Variants in ITGAV observed in about 807,000 individuals in gnomAD.
ITGAV encodes the protein integrin alpha-V.
ITGAV carries 76 observed loss-of-function variants against 143.8 expected under a neutral mutation model. That is an observed-to-expected ratio of 0.53 (90% confidence interval 0.44 to 0.64). The LOEUF (loss-of-function observed/expected upper bound fraction) is 0.64. ITGAV is among the 30% of genes least tolerant of loss of function. ITGAV has a pLI of 0.00. For missense variants in ITGAV, 1,193 were observed against 1,274.7 expected, an observed-to-expected ratio of 0.94 and a Z score of 0.98; for synonymous variants, 453 against 446.7, an observed-to-expected ratio of 1.01 and a Z score of -0.18.
chr2:186,660,749 G>A (rs568013229), intron 18 of ITGAV, among the ~76,000 whole-genome samples: 1 of 152,104 alleles, frequency 6.6e-6, no homozygotes, highest in South Asian at 2.1e-4. Context: ...CCACAGAATG[G>A]GTGGCTTAAA....
chr2:186,628,988 T>C (rs1334968368), intron 4 of ITGAV, among the ~76,000 whole-genome samples: 3 of 152,060 alleles, frequency 2.0e-5, no homozygotes, highest in South Asian at 2.1e-4. Flanking sequence ...TATTGAGTAA[T>C]AATAGTATCT....
intron 10 of ITGAV, among the ~76,000 whole-genome samples, 166 bp downstream of exon 10, chr2:186,638,631 CGTGTGTGTGTGTGTGTGTGT>C (rs34535817): frequency 1.4e-5 from 2 of 144,692 alleles, no homozygotes; most frequent in Non-Finnish European, 3.0e-5. Context: ...CTCTTTTGAG[CGTGTGTGTGTGTGTGTGTGT>C]GTGTGTGTGT....
At chr2:186,591,366 C>T (rs1477776883) in intron 1 of ITGAV, among the ~76,000 whole-genome samples, 2 of 152,130 alleles carry the variant, frequency 1.3e-5, no homozygotes, top group African/African-American at 4.8e-5. Context: ...TTACTGAATG[C>T]TGACATCATT....
intron 2 of ITGAV, among the ~76,000 whole-genome samples, chr2:186,615,247 A>G (rs1687319824): frequency 6.6e-6 from 1 of 152,120 alleles, no homozygotes; most frequent in African/African-American, 2.4e-5. Flanking sequence ...GCTATTATGA[A>G]TAATGCTACT....
Position 186,654,653 on chromosome 2 carries a change from T to G in ITGAV, c.1509T>G (p.Phe503Leu). ...LPGTALKVSC[F>L]NVRFCLKADG... ...TATGTTTTTTATTTTTCCACAGTTT[T>G]AATGTTAGGTTCTGCTTAAAGGCAG... Residue 503 changes from phenylalanine (F) to leucine (L), a missense_variant, in exon 16 of 30, where the codon TTT (phenylalanine) becomes TTG (leucine). Transcript: ENST00000261023. 6.6e-7 allele frequency: 1 copy of G among 1,512,614 alleles called. No homozygotes were observed. Among genetic ancestry groups the G allele is most frequent in the African/African-American group, 1.4e-5 (1 of 72,386 alleles). The allele number at this position is 1,512,614 out of a possible 1,614,324, so 93.7% of individuals were successfully genotyped here. A position where few individuals can be genotyped will look rare whatever the true frequency, so the allele number is the denominator to read the frequency against.
At position 186,648,958 on chromosome 2, in the gene ITGAV, ATATATATACATTTG is replaced by A. The variant is rs1247711633; in HGVS notation, c.1352-873_1352-860del. Among the ~76,000 whole-genome samples the A allele has an allele frequency of 1.2e-4, 17 of 147,404 alleles. No homozygotes were observed. In the South Asian group the frequency reaches 1.5e-3, roughly 13 times the overall value. On this transcript the variant is annotated intron_variant, in intron 13 of 29. Coordinates refer to ENST00000261023, the MANE Select transcript of ITGAV (RefSeq NM_002210.5). ...TGTATATATATACATTTGTGTGTAT[ATATATATACATTTG>A]TATATATATACATTTGTGTGTATAT...
At chr2:186,617,965 A>G (rs1194461798) in intron 2 of ITGAV, among the ~76,000 whole-genome samples, 1 of 152,148 alleles carries the variant, frequency 6.6e-6, no homozygotes, top group African/African-American at 2.4e-5. Flanking sequence ...AGGAGGTCCA[A>G]CATCATCCTA....
rs1686584975 is a variant in ITGAV at position 186,590,512 on chromosome 2, C to T, written c.174C>T (p.Pro58=). The T allele has an allele frequency of 6.2e-7, 1 of 1,610,648 alleles. No homozygotes were observed. Among genetic ancestry groups the T allele is most frequent in the South Asian group, 1.1e-5 (1 of 90,768 alleles). ...GCTTCGCCGTGGATTTCTTCGTGCC[C>T]AGCGCGTCTTCGTAAGTGGCCGCAC... ...YFGFAVDFFV[P]SASSRMFLLV... Residue 58 remains proline, a synonymous_variant, in exon 1 of 30, where the codon CCC becomes CCT. Transcript: ENST00000261023.
At chr2:186,647,814 C>G (rs1171283667) in intron 13 of ITGAV, among the ~76,000 whole-genome samples, 1 of 152,082 alleles carries the variant, frequency 6.6e-6, no homozygotes, top group East Asian at 1.9e-4. Context: ...TTTAGATGAC[C>G]TTTGTGTTGA....
In ITGAV at chr2:186,659,098, G is replaced by C; in HGVS notation, c.1780G>C (p.Asp594His). 1.2e-6 allele frequency: 2 copies of C among 1,611,730 alleles called. No homozygotes were observed. The highest frequency in any genetic ancestry group is 1.7e-6 in the Non-Finnish European group (2 of 1,178,094). ...PITIFMEYRLDYRTAADTTGL... is the reference protein window; with the variant it reads ...PITIFMEYRLHYRTAADTTGL... Reference sequence around the variant, plus strand: ...TACTATTTTTATGGAATATCGGTTGGATTATAGAACAGCTGCTGATACAAC... The same window carrying C: ...TACTATTTTTATGGAATATCGGTTGCATTATAGAACAGCTGCTGATACAAC... Residue 594 changes from aspartate (D) to histidine (H), a missense_variant, in exon 18 of 30, where the codon GAT becomes CAT. Asp to His is a moderately conservative substitution (Grantham distance 81). Coordinates refer to ENST00000261023, the MANE Select transcript of ITGAV (RefSeq NM_002210.5).
intron 18 of ITGAV, among the ~76,000 whole-genome samples, chr2:186,662,388 G>A (rs1471057458): frequency 2.0e-5 from 3 of 151,570 alleles, no homozygotes; most frequent in Admixed American, 6.6e-5. Context: ...CGACAGTTAC[G>A]AATCTTTGTC....
intron 13 of ITGAV, among the ~76,000 whole-genome samples, chr2:186,647,446 G>A (rs1219342436): frequency 2.6e-5 from 4 of 152,086 alleles, no homozygotes; most frequent in African/African-American, 9.7e-5. Flanking sequence ...ATGTTGCCCA[G>A]GCTGGTCTTG....
intron 26 of ITGAV, among the ~76,000 whole-genome samples, chr2:186,674,517 T>A (rs1689153668): frequency 6.6e-6 from 1 of 152,114 alleles, no homozygotes; most frequent in Non-Finnish European, 1.5e-5. Context: ...TTTTACTTTT[T>A]TTTTTCTTTT....
chr2:186,623,538 T>C (rs528897332), intron 3 of ITGAV, among the ~76,000 whole-genome samples: 1 of 152,126 alleles, frequency 6.6e-6, no homozygotes, highest in Non-Finnish European at 1.5e-5. Context: ...CTACAACTTT[T>C]ACCTAGAGGT....
Position 186,677,493 on chromosome 2 carries a change from ACTTGTGTT to A in ITGAV, c.*202_*209del. The A allele has an allele frequency of 2.1e-6, 1 of 487,650 alleles. No homozygotes were observed. The allele number at this position is 487,650 out of a possible 1,614,324, so 30.2% of individuals were successfully genotyped here. A position where few individuals can be genotyped will look rare whatever the true frequency, so the allele number is the denominator to read the frequency against. On this transcript the variant is annotated 3_prime_UTR_variant, in exon 30 of 30. Transcript: ENST00000261023. Reference sequence around the variant, plus strand: ...GACATACATTTAATAACATAGGGTGACTTGTGTTTTTAGGTATTTAAATAATAAAATTT... The same window carrying A: ...GACATACATTTAATAACATAGGGTGATTTAGGTATTTAAATAATAAAATTT...
In ITGAV at chr2:186,675,737, A is replaced by T. The variant is rs1488705241; in HGVS notation, c.2820+20A>T. The T allele has an allele frequency of 6.3e-7, 1 of 1,582,114 alleles. No homozygotes were observed. Among genetic ancestry groups the T allele is most frequent in the Non-Finnish European group, 8.7e-7 (1 of 1,151,130 alleles). ...ATGAATGTAAGTAGACAGGTGCAGC[A>T]TTTAGCAAACATACCCAGTGTTTTC... On this transcript the variant is annotated intron_variant, in intron 27 of 29. Transcript: ENST00000261023.
intron 24 of ITGAV, chr2:186,668,538 C>T (rs1484451911): frequency 2.1e-5 from 9 of 424,400 alleles, no homozygotes; most frequent in Non-Finnish European, 3.8e-5. Flanking sequence ...TGTGCCCAAC[C>T]TTGTTTATAT....
chr2:186,596,579 A>G (rs1282525974), intron 1 of ITGAV, among the ~76,000 whole-genome samples: 1 of 150,570 alleles, frequency 6.6e-6, no homozygotes, highest in Non-Finnish European at 1.5e-5. Context: ...TTGTATTTTT[A>G]GTAGAGATGG....
At chr2:186,668,288 C>T (rs1176118045) in intron 24 of ITGAV, among the ~76,000 whole-genome samples, 1 of 122,686 alleles carries the variant, frequency 8.2e-6, no homozygotes, top group African/African-American at 3.2e-5. Context: ...TGCAGTGGCG[C>T]GATCTCAGCT....
Sources: allele counts gnomAD v4.1 joint callset (sites outside exome capture counted in the v4.1 genomes callset), GRCh38; gene constraint gnomAD v4.1.1; transcripts MANE v1.5; gene names NCBI Gene and HGNC (gene_info 2026-07-23, HGNC 2026-07-21).